Variants in ROBO2 observed in about 807,000 individuals in gnomAD.
The protein encoded by ROBO2 is roundabout homolog 2.
ROBO2 carries 53 observed loss-of-function variants against 160.8 expected under a neutral mutation model. The ratio of observed to expected loss-of-function variants is 0.33; its 90% confidence interval spans 0.26 to 0.41. ROBO2 has a LOEUF of 0.41. Among genes scored for constraint, ROBO2 ranks in the 10% least tolerant of loss-of-function variants. The probability of loss-of-function intolerance (pLI) is 1.00; values close to 1 mark genes in which losing one functional copy is unlikely to be tolerated. For missense variants in ROBO2, 1,577 were observed against 1,722.4 expected (o/e 0.92, Z 1.49); for synonymous variants, 664 against 611.7 (o/e 1.09, Z -1.26).
In ROBO2 at chr3:77,040,352, A is replaced by G. The variant is rs184315461; in HGVS notation, c.-434A>G. The stretch of plus-strand genomic sequence containing the variant: ...GGAAAGAAAACCAGTAGGCAGGCCA[A>G]TGGTTTTTCGGCAGCGCGCTGGCAA... On this transcript the variant is annotated 5_prime_UTR_variant, in exon 1 of 26. An upstream start codon of the reference 5' UTR is lost. Transcript: ENST00000461745. The G allele has an allele frequency of 1.3e-4, 135 of 1,003,746 alleles. 1 individual carries two copies. The East Asian group carries it at 7.8e-3, about 58-fold the overall frequency. The allele number at this position is 1,003,746 out of a possible 1,614,324, so 62.2% of individuals were successfully genotyped here.
chr3:76,735,793 A>C (rs2093701031), intron 2 of ROBO2, among the ~76,000 whole-genome samples: 1 of 128,218 alleles, frequency 7.8e-6, no homozygotes, highest in Non-Finnish European at 1.7e-5. Flanking sequence ...AAAAGGGGAA[A>C]GGGAAAAGAA....
intron 2 of ROBO2, among the ~76,000 whole-genome samples, chr3:77,129,386 A>G (rs2075642007): frequency 6.6e-6 from 1 of 152,224 alleles, no homozygotes; most frequent in Non-Finnish European, 1.5e-5. Flanking sequence ...AATAGGAACT[A>G]TTACAATCAA....
At chr3:76,613,559 G>A (rs906796063) in intron 2 of ROBO2, among the ~76,000 whole-genome samples, 3 of 151,504 alleles carry the variant, frequency 2.0e-5, no homozygotes, top group Non-Finnish European at 2.9e-5. Flanking sequence ...ACCTGTTTTT[G>A]TAGCCAGAGA....
intron 2 of ROBO2, among the ~76,000 whole-genome samples, chr3:77,167,895 C>T (rs77682316): frequency 0.039 from 5,988 of 151,886 alleles, 160 homozygotes; most frequent in East Asian, 0.087. Flanking sequence ...GTTTCTCTGC[C>T]GCATTAACTT....
At chr3:76,887,810 T>C (rs2074026318) in intron 2 of ROBO2, among the ~76,000 whole-genome samples, 1 of 152,118 alleles carries the variant, frequency 6.6e-6, no homozygotes, top group Non-Finnish European at 1.5e-5. Context: ...TGTCTTCTTA[T>C]ATCCCCTCCC....
intron 16 of ROBO2, among the ~76,000 whole-genome samples, chr3:77,582,112 C>A (rs560816017): frequency 6.6e-6 from 1 of 152,122 alleles, no homozygotes; most frequent in Admixed American, 6.5e-5. Flanking sequence ...TCATTTTAAC[C>A]CATGTTTCTC....
chr3:77,314,163 A>G (rs1327456568), intron 2 of ROBO2, among the ~76,000 whole-genome samples: 1 of 152,188 alleles, frequency 6.6e-6, no homozygotes, highest in East Asian at 1.9e-4. Flanking sequence ...CATGCCACAC[A>G]TAACCACAAA....
At position 77,235,355 on chromosome 3, in the gene ROBO2, A is replaced by ATTTTT. The variant is rs35778905; in HGVS notation, c.388+137026_388+137030dup. ...GCATTCTATAATATGAGAGGAGAAT[A>ATTTTT]TTTTTTTTTTTTTTTGAGACGGAGT... On this transcript the variant is annotated intron_variant, in intron 2 of 25. Coordinates refer to ENST00000461745, the Ensembl canonical transcript of ROBO2. 9.6e-4 allele frequency among the ~76,000 whole-genome samples: 138 copies of ATTTTT among 143,776 alleles called. 1 individual carries two copies. The highest frequency in any genetic ancestry group is 1.8e-3 in the African/African-American group (71 of 39,326). The allele number at this position is 143,776 out of a possible 152,430, so 94.3% of individuals were successfully genotyped here.
intron 1 of ROBO2, among the ~76,000 whole-genome samples, chr3:77,081,298 G>A (rs1039284490): frequency 1.3e-5 from 2 of 152,150 alleles, no homozygotes; most frequent in Non-Finnish European, 1.5e-5. Flanking sequence ...TTACGCCATT[G>A]GCCACAGCAG....
At chr3:76,369,260 T>C (rs1315163589) in intron 2 of ROBO2, among the ~76,000 whole-genome samples, 1 of 151,946 alleles carries the variant, frequency 6.6e-6, no homozygotes, top group Non-Finnish European at 1.5e-5. Flanking sequence ...GATCCCTCCT[T>C]ATATCTGGAA....
rs181787592 is a variant in ROBO2, at chr3:76,549,181, C to T, written c.110-548833C>T. Among the ~76,000 whole-genome samples, 7 of 152,152 alleles carry T rather than the reference C, an allele frequency of 4.6e-5. No individual in the cohort carries two copies. In the East Asian group the frequency reaches 1.4e-3, roughly 29 times the overall value. ...CATAATGCCAAATCATCTATAAACACCATTTTTTATTTTTAAGTTTTAAAA... is the reference window on the plus strand; with the variant it reads ...CATAATGCCAAATCATCTATAAACATCATTTTTTATTTTTAAGTTTTAAAA... On this transcript the variant is annotated intron_variant, in intron 2 of 26. Coordinates refer to the ROBO2 transcript ENST00000487694.
At chr3:76,495,733 G>T (rs2080113680) in intron 2 of ROBO2, among the ~76,000 whole-genome samples, 1 of 152,038 alleles carries the variant, frequency 6.6e-6, no homozygotes, top group Non-Finnish European at 1.5e-5. Flanking sequence ...TTTACAGCAG[G>T]TCTCATACGT....
At chr3:76,881,143 C>T (rs2073301359) in intron 2 of ROBO2, among the ~76,000 whole-genome samples, 1 of 152,170 alleles carries the variant, frequency 6.6e-6, no homozygotes, top group Non-Finnish European at 1.5e-5. Context: ...CACTGGCAAT[C>T]ATTTTCTACA....
At chr3:77,292,060 A>G (rs2061353657) in intron 2 of ROBO2, among the ~76,000 whole-genome samples, 2 of 151,570 alleles carry the variant, frequency 1.3e-5, no homozygotes, top group South Asian at 4.2e-4. Flanking sequence ...GGGTAAGCTG[A>G]GACTAGTTCA....
intron 2 of ROBO2, among the ~76,000 whole-genome samples, chr3:76,735,549 T>A (rs1315866789): frequency 6.6e-6 from 1 of 151,640 alleles, no homozygotes; most frequent in African/African-American, 2.4e-5. Flanking sequence ...ATCACTTGAA[T>A]CCAGGGGTTC....
chr3:75,974,266 A>C (rs557884643), intron 2 of ROBO2, among the ~76,000 whole-genome samples: 1 of 151,764 alleles, frequency 6.6e-6, no homozygotes, highest in African/African-American at 2.4e-5. Flanking sequence ...TGTAAAATAT[A>C]GTAGGCAAAA....
intron 2 of ROBO2, among the ~76,000 whole-genome samples, chr3:77,261,563 T>A (rs1011838359): frequency 2.0e-5 from 3 of 152,174 alleles, no homozygotes; most frequent in African/African-American, 7.2e-5. Flanking sequence ...GTATATATTT[T>A]AATGAAAACC....
chr3:77,157,717 A>T (rs2078136176), intron 2 of ROBO2, among the ~76,000 whole-genome samples: 1 of 152,136 alleles, frequency 6.6e-6, no homozygotes, highest in African/African-American at 2.4e-5. Flanking sequence ...GCTATTGCTT[A>T]TGAGGAAATT....
intron 2 of ROBO2, among the ~76,000 whole-genome samples, chr3:76,567,823 TG>T (rs1316410266): frequency 8.4e-5 from 10 of 119,510 alleles, no homozygotes; most frequent in African/African-American, 1.9e-4. Flanking sequence ...TTTTTTTTTT[TG>T]GGGGGGGTTG....
Sources: allele counts gnomAD v4.1 joint callset (sites outside exome capture counted in the v4.1 genomes callset), GRCh38; gene constraint gnomAD v4.1.1; transcripts MANE v1.5; gene names NCBI Gene and HGNC (gene_info 2026-07-23, HGNC 2026-07-21).